Variants in GPNMB observed in about 807,000 individuals in gnomAD.
The protein encoded by GPNMB is glycoprotein nmb, also known as transmembrane glycoprotein NMB.
GPNMB carries 71 observed loss-of-function variants against 57.3 expected under a neutral mutation model. The observed-to-expected ratio is 1.24, with a 90% CI of 1.02 to 1.51. The LOEUF is 1.51. Among genes scored for constraint, GPNMB ranks in the 40% most tolerant of loss-of-function variants. The probability of loss-of-function intolerance (pLI) is 0.00; values close to 1 mark genes in which losing one functional copy is unlikely to be tolerated. For synonymous variants in GPNMB, 253 were observed against 263.2 expected, an observed-to-expected ratio of 0.96 and a Z score of 0.38; for missense variants, 677 against 691.9, an observed-to-expected ratio of 0.98 and a Z score of 0.24.
chr7:23,256,020 C>T lies in GPNMB; in HGVS notation c.368-872C>T, dbSNP rs140279788. Among the ~76,000 whole-genome samples, 860 of 152,236 alleles carry T rather than the reference C, an allele frequency of 5.6e-3. 3 individuals carry two copies. The highest frequency in any genetic ancestry group is 0.02 in the African/African-American group (830 of 41,542). On this transcript the variant is annotated intron_variant, in intron 3 of 10. Coordinates refer to ENST00000258733, the MANE Select transcript of GPNMB (RefSeq NM_002510.3). ...CTCCCAGGTTCAAGCAATTCTCCTGCCTCGGCGTCCCAAGTAGCTGGGATT... is the reference window on the plus strand; with the variant it reads ...CTCCCAGGTTCAAGCAATTCTCCTGTCTCGGCGTCCCAAGTAGCTGGGATT...
chr7:23,259,356 TG>T (rs1455590958), intron 4 of GPNMB, among the ~76,000 whole-genome samples: 2 of 152,110 alleles, frequency 1.3e-5, no homozygotes, highest in Non-Finnish European at 2.9e-5. Context: ...GCTAATTTTT[TG>T]TATTTTAGTA....
chr7:23,273,187 A>G (rs1056173082), intron 9 of GPNMB: 2 of 220,064 alleles, frequency 9.1e-6, no homozygotes, highest in East Asian at 1.2e-4. Context: ...GTAAGTAGAG[A>G]GAGAGGAAGC....
At position 23,259,838 on chromosome 7, in the gene GPNMB, C is replaced by T. The variant is rs558843953; in HGVS notation, c.542-142C>T. On this transcript the variant is annotated intron_variant, in intron 4 of 10. Transcript: ENST00000258733. Reference sequence around the variant, plus strand: ...TTACATTAAAATGAGCACCATCTCCCTTTCTGAAGCAGCACCACAGGCCCA... The same window carrying T: ...TTACATTAAAATGAGCACCATCTCCTTTTCTGAAGCAGCACCACAGGCCCA... 4 of 663,450 alleles carry T rather than the reference C, an allele frequency of 6.0e-6. No individual in the cohort carries two copies. The Admixed American group carries it at 8.1e-5, about 13-fold the overall frequency. 41.1% of individuals were successfully genotyped at this position (663,450 alleles called of 1,614,324 possible).
At chr7:23,250,357 T>C (rs535685703) in intron 1 of GPNMB, among the ~76,000 whole-genome samples, 1 of 152,312 alleles carries the variant, frequency 6.6e-6, no homozygotes, top group Non-Finnish European at 1.5e-5. Context: ...CCTGAAGATT[T>C]CACCTATGCT....
At chr7:23,266,981 G>A (rs1234738977) in intron 7 of GPNMB, among the ~76,000 whole-genome samples, 1 of 152,222 alleles carries the variant, frequency 6.6e-6, no homozygotes, top group Non-Finnish European at 1.5e-5. Flanking sequence ...TTTTCACAAA[G>A]TCAGACTTGT....
chr7:23,255,042 G>T (rs1421615853), intron 3 of GPNMB, among the ~76,000 whole-genome samples: 1 of 152,256 alleles, frequency 6.6e-6, no homozygotes, highest in Non-Finnish European at 1.5e-5. Context: ...GTGGTGAGAT[G>T]GAGTCTTGCC....
chr7:23,258,919 C>T (rs1396772827), intron 4 of GPNMB, among the ~76,000 whole-genome samples: 2 of 152,192 alleles, frequency 1.3e-5, no homozygotes, highest in Admixed American at 1.3e-4. Flanking sequence ...CCTAAGATAC[C>T]CAGTCAGTGA....
At chr7:23,251,236 A>G (rs1314185524) in intron 1 of GPNMB, among the ~76,000 whole-genome samples, 2 of 152,190 alleles carry the variant, frequency 1.3e-5, no homozygotes, top group Non-Finnish European at 2.9e-5. Flanking sequence ...CTACCAGAGA[A>G]GAGGAATAGA....
chr7:23,272,958 T>G (rs1027078444), intron 9 of GPNMB: 1 of 152,354 alleles, frequency 6.6e-6, no homozygotes, highest in African/African-American at 2.4e-5. Context: ...ATCCTTGACT[T>G]CTGCCTCCTG....
At chr7:23,266,696 G>T in intron 7 of GPNMB, 81 bp downstream of exon 7, 1 of 1,321,406 alleles carries the variant, frequency 7.6e-7, no homozygotes, top group East Asian at 2.4e-5. Context: ...AACTCTGAAG[G>T]GGTAGAGGTA....
chr7:23,255,050 G>A (rs959673944), intron 3 of GPNMB, among the ~76,000 whole-genome samples: 3 of 152,080 alleles, frequency 2.0e-5, no homozygotes, highest in Non-Finnish European at 2.9e-5. Flanking sequence ...ATGGAGTCTT[G>A]CCTTGTCACC....
At chr7:23,261,126 G>C (rs1307868570) in intron 6 of GPNMB, among the ~76,000 whole-genome samples, 3 of 152,030 alleles carry the variant, frequency 2.0e-5, no homozygotes, top group Non-Finnish European at 4.4e-5. Context: ...AAGGCACACT[G>C]GCTCCTTATA....
chr7:23,255,900 CTCT>C, intron 3 of GPNMB, among the ~76,000 whole-genome samples: 1 of 151,248 alleles, frequency 6.6e-6, no homozygotes, highest in Non-Finnish European at 1.5e-5. Flanking sequence ...CCAAATCTTT[CTCT>C]TTTTTTTTTC....
chr7:23,258,542 A>G (rs1374183624), intron 4 of GPNMB, among the ~76,000 whole-genome samples: 1 of 152,228 alleles, frequency 6.6e-6, no homozygotes, highest in Non-Finnish European at 1.5e-5. Context: ...TTAGCCTAGT[A>G]AACATTCCAA....
chr7:23,273,832 A>C, intron 10 of GPNMB: 1 of 582,694 alleles, frequency 1.7e-6, no homozygotes, highest in Non-Finnish European at 3.0e-6. Context: ...TAACTTTACA[A>C]AATTATGTCA....
rs553863004 is a variant in GPNMB at position 23,273,823 on chromosome 7, A to G, written c.1523+209A>G. On this transcript the variant is annotated intron_variant, in intron 10 of 10. Coordinates refer to ENST00000258733, the MANE Select transcript of GPNMB (RefSeq NM_002510.3). ...CTAAAAGATGCTACCAGATCTCAGT[A>G]ACTTTACAAAATTATGTCAACTTAA... The G allele has an allele frequency of 2.1e-4, 125 of 581,716 alleles. 2 individuals are homozygous for G. In the South Asian group the frequency reaches 2.8e-3, roughly 13 times the overall value. The allele number at this position is 581,716 out of a possible 1,614,324, so 36.0% of individuals were successfully genotyped here.
At chr7:23,264,490 G>A (rs535565821) in intron 6 of GPNMB, among the ~76,000 whole-genome samples, 1 of 151,488 alleles carries the variant, frequency 6.6e-6, no homozygotes, top group South Asian at 2.1e-4. Context: ...CTCCTGCTTC[G>A]GCCTCCCTAG....
intron 6 of GPNMB, among the ~76,000 whole-genome samples, chr7:23,261,740 C>A (rs1782929812): frequency 6.6e-6 from 1 of 151,964 alleles, no homozygotes; most frequent in Non-Finnish European, 1.5e-5. Context: ...TGTAACAAAC[C>A]TGCACTTTGT....
rs1237735174 is a variant in GPNMB at position 23,254,220 on chromosome 7, C to T, written c.275C>T (p.Ser92Leu). The T allele has an allele frequency of 2.5e-6, 4 of 1,613,868 alleles. No homozygotes were observed. In the African/African-American group the frequency reaches 5.3e-5, roughly 22 times the overall value. ...LTSDSPALVGSNITFAVNLIF... is the reference protein window; with the variant it reads ...LTSDSPALVGLNITFAVNLIF... ...AGTGACTCACCAGCCCTCGTGGGCTCAAATATAACATTTGCGGTGAACCTG... is the reference window on the plus strand; with the variant it reads ...AGTGACTCACCAGCCCTCGTGGGCTTAAATATAACATTTGCGGTGAACCTG... Residue 92 changes from serine to leucine, a missense_variant, in exon 3 of 11, where the codon TCA (serine) becomes TTA (leucine). Physicochemically the swap from Ser to Leu is moderately radical, Grantham distance 145 (BLOSUM62 -2). Coordinates refer to ENST00000258733, the MANE Select transcript of GPNMB (RefSeq NM_002510.3).
Sources: allele counts gnomAD v4.1 joint callset (sites outside exome capture counted in the v4.1 genomes callset), GRCh38; gene constraint gnomAD v4.1.1; transcripts MANE v1.5; gene names NCBI Gene and HGNC (gene_info 2026-07-23, HGNC 2026-07-21).